The following LTF variants were observed in gnomAD, a reference collection of about 807,000 sequenced individuals.
The protein encoded by LTF is lactotransferrin.
A neutral mutation model predicts 87.2 loss-of-function variants in LTF; 91 were observed. That is an observed-to-expected ratio of 1.04 (90% CI 0.88 to 1.24). The LOEUF is 1.24. Among genes scored for constraint, LTF ranks in the 50% most tolerant of loss-of-function variants. The pLI is 0.00. For missense variants in LTF, 901 were observed against 904.3 expected (o/e 1.00, Z 0.05); for synonymous variants, 378 against 356.1 (o/e 1.06, Z -0.69).
chr3:46,464,750 G>GGAC, intron 1 of LTF, 75 bp downstream of exon 1: 1 of 1,550,386 alleles, frequency 6.5e-7, no homozygotes, highest in Admixed American at 1.7e-5. Context: ...CCGGACACAG[G>GGAC]GACCAAAGCG....
chr3:46,440,152 G>A (rs2106830685), intron 14 of LTF, among the ~76,000 whole-genome samples: 1 of 152,246 alleles, frequency 6.6e-6, no homozygotes, highest in Non-Finnish European at 1.5e-5. Flanking sequence ...ACTTTGCATG[G>A]GTGGATTTTT....
chr3:46,452,647 G>A (rs1702831179), intron 6 of LTF, among the ~76,000 whole-genome samples: 1 of 152,170 alleles, frequency 6.6e-6, no homozygotes, highest in African/African-American at 2.4e-5. Context: ...CCATTGGTAA[G>A]CCACAGTAAC....
chr3:46,455,524 G>T, intron 4 of LTF, 82 bp from the exon 5 acceptor site: 3 of 1,540,944 alleles, frequency 1.9e-6, no homozygotes, highest in Non-Finnish European at 2.7e-6. Context: ...TGAGGTCTCC[G>T]TGGGCAAGGC....
intron 2 of LTF, among the ~76,000 whole-genome samples, chr3:46,459,029 T>C (rs1421067310): frequency 1.3e-5 from 2 of 152,262 alleles, no homozygotes; most frequent in Non-Finnish European, 2.9e-5. Flanking sequence ...AATTATTCAC[T>C]CTGCTGGAGT....
intron 1 of LTF, among the ~76,000 whole-genome samples, chr3:46,464,609 T>C (rs1345247888): frequency 6.6e-6 from 1 of 152,136 alleles, no homozygotes; most frequent in Non-Finnish European, 1.5e-5. Flanking sequence ...GAGCTAGGCG[T>C]GCCCCGATCC....
intron 1 of LTF, among the ~76,000 whole-genome samples, chr3:46,482,750 A>AAGGAAGGAAG (rs1559615032): frequency 1.8e-5 from 2 of 113,340 alleles, no homozygotes; most frequent in African/African-American, 7.2e-5. Context: ...AAGGAAGGAA[A>AAGGAAGGAAG]GAAGGAAAGA....
chr3:46,446,624 C>A, intron 10 of LTF, 131 bp from the exon 11 acceptor site: 5 of 679,810 alleles, frequency 7.4e-6, no homozygotes, highest in East Asian at 2.6e-5. Flanking sequence ...AGGAGAAATG[C>A]GTCTATATGT....
At chr3:46,464,955 T>G, upstream of LTF, 1 of 1,348,018 alleles carries the variant, frequency 7.4e-7, no homozygotes, top group Non-Finnish European at 1.1e-6. Context: ...TGCCCCGCCC[T>G]GTTGCCCAAT....
intron 16 of LTF, 85 bp from the exon 17 acceptor site, chr3:46,436,314 C>T (rs1056364757): frequency 4.7e-6 from 6 of 1,278,106 alleles, no homozygotes; most frequent in African/African-American, 2.9e-5. Context: ...AAAGAGAATA[C>T]TAAGAGTTTT....
At chr3:46,446,296 TTTGCACCCTTAAAATTA>T (rs67090373) in intron 11 of LTF, 127 bp downstream of exon 11, 288,834 of 627,254 alleles carry the variant, frequency 0.46, 65,582 homozygotes, top group Admixed American at 0.58. Flanking sequence ...CTGTGAATTA[TTTGCACCCTTAAAATTA>T]TTGCTCCTAG....
chr3:46,448,805 C>T, intron 9 of LTF, 58 bp downstream of exon 9: 2 of 1,585,454 alleles, frequency 1.3e-6, no homozygotes, highest in South Asian at 1.1e-5. Flanking sequence ...TAAGCAGATG[C>T]CCAGGCCCTA....
chr3:46,469,321 C>A (rs1703254270), upstream of LTF: 1 of 152,292 alleles, frequency 6.6e-6, no homozygotes, highest in African/African-American at 2.4e-5. Context: ...GACTGAGGCC[C>A]AGGGATCTCA....
intron 12 of LTF, 54 bp downstream of exon 12, chr3:46,445,227 C>A: frequency 1.3e-6 from 2 of 1,530,008 alleles, no homozygotes; most frequent in Admixed American, 1.9e-5. Context: ...TTCCACAGCA[C>A]AATATGCCTA....
Position 46,445,446 on chromosome 3 carries a change from C to A in LTF, c.1358-10G>T. 6.2e-7 allele frequency: 1 copy of A among 1,606,486 alleles called. No homozygotes were observed. On this transcript the variant is annotated splice_polypyrimidine_tract_variant and intron_variant, in intron 11 of 16. Coordinates refer to ENST00000231751, the MANE Select transcript of LTF (RefSeq NM_002343.6). ...GCCACAGCAAGATATCCTGGCATAACAGATGACAGAAAAACAAGTCTTAAC... is the reference window on the plus strand; with the variant it reads ...GCCACAGCAAGATATCCTGGCATAAAAGATGACAGAAAAACAAGTCTTAAC...
Position 46,435,762 on chromosome 3 carries a change from C to A in LTF, c.*433G>T. 5.4e-6 allele frequency: 1 copy of A among 183,570 alleles called. No homozygotes were observed. The highest frequency in any genetic ancestry group is 1.1e-5 in the Non-Finnish European group (1 of 87,294). The allele number at this position is 183,570 out of a possible 1,614,324, so 11.4% of individuals were successfully genotyped here. On this transcript the variant is annotated 3_prime_UTR_variant, in exon 17 of 17. Coordinates refer to ENST00000231751, the MANE Select transcript of LTF (RefSeq NM_002343.6). ...CTGCCCTGCCTTGGGGACACGCACA[C>A]ACTCCCAGGCACATACATGCACGTG...
At chr3:46,459,312 T>C (rs1161844518) in intron 2 of LTF, among the ~76,000 whole-genome samples, 1 of 152,250 alleles carries the variant, frequency 6.6e-6, no homozygotes, top group Non-Finnish European at 1.5e-5. Flanking sequence ...GTCATGACTC[T>C]TTTGGAGGAT....
chr3:46,455,367 C>T lies in LTF; in HGVS notation c.575G>A (p.Cys192Tyr). The change falls in exon 5 of 17, where the codon TGT (cysteine) becomes TAT (tyrosine). Residue 192 changes from cysteine to tyrosine, a missense_variant. Coordinates refer to ENST00000231751, the MANE Select transcript of LTF (RefSeq NM_002343.6). ...ACATTTGTTTTCCCCTGTCCCCGCA[C>T]ACAGGCGACACAGGTTGGGGAACTG... is the stretch of plus-strand genomic sequence containing the variant. ...KGQFPNLCRLCAGTGENKCAF... is the reference protein window; with the variant it reads ...KGQFPNLCRLYAGTGENKCAF... The T allele has an allele frequency of 6.2e-7, 1 of 1,614,244 alleles. No homozygotes were observed. Among genetic ancestry groups the T allele is most frequent in the Non-Finnish European group, 8.5e-7 (1 of 1,180,030 alleles).
At chr3:46,466,894 G>A (rs377112327), upstream of LTF, among the ~76,000 whole-genome samples, 1 of 152,128 alleles carries the variant, frequency 6.6e-6, no homozygotes, top group Non-Finnish European at 1.5e-5. Context: ...CTTTTTCTGA[G>A]TCCAAATTTT....
chr3:46,439,990 T>C (rs1702479544), intron 14 of LTF, among the ~76,000 whole-genome samples: 1 of 151,884 alleles, frequency 6.6e-6, no homozygotes, highest in Non-Finnish European at 1.5e-5. Context: ...AGACAGAAAG[T>C]GGATTGATGG....
Sources: gnomAD v4.1 joint callset for allele counts (sites outside exome capture counted in the v4.1 genomes callset) on GRCh38, gnomAD v4.1.1 for gene constraint, MANE v1.5 for transcripts, NCBI Gene and HGNC (gene_info 2026-07-23, HGNC 2026-07-21) for gene names.